Variants in PHLDB3 observed in about 807,000 individuals in gnomAD.
PHLDB3 encodes pleckstrin homology like domain family B member 3.
PHLDB3 carries 86 observed loss-of-function variants against 85.7 expected under a neutral mutation model. The observed-to-expected ratio is 1.00, with a 90% CI of 0.84 to 1.20. The LOEUF (loss-of-function observed/expected upper bound fraction) is 1.20, where lower values mean the gene tolerates loss of function less well. PHLDB3 is among the 50% of genes most tolerant of loss of function. The pLI, the probability that PHLDB3 is intolerant of heterozygous loss-of-function variation, is 0.00. For missense variants in PHLDB3, 995 were observed against 873.0 expected, an observed-to-expected ratio of 1.14 and a Z score of -1.76; for synonymous variants, 376 against 349.8, an observed-to-expected ratio of 1.07 and a Z score of -0.83.
Position 43,475,440 on chromosome 19 carries a change from C to G in PHLDB3, c.1893G>C (p.Val631=). The G allele has an allele frequency of 1.2e-6, 2 of 1,613,884 alleles. No homozygotes were observed. The highest frequency in any genetic ancestry group is 1.7e-6 in the Non-Finnish European group (2 of 1,179,842). ...GGGCGTGGTTTTCGTCAGCGGCGGT[C>G]ACGATGACGTCCATCCAAATGCGCA... ...EAMRIWMDVI[V]TAADENHAP The change falls in exon 16 of 16, where the codon GTG becomes GTC. Residue 631 remains valine (V), a synonymous_variant. Coordinates refer to ENST00000292140, the MANE Select transcript of PHLDB3 (RefSeq NM_198850.4).
chr19:43,501,188 T>C (rs1317130513), intron 4 of PHLDB3, among the ~76,000 whole-genome samples: 2 of 140,162 alleles, frequency 1.4e-5, no homozygotes, highest in South Asian at 2.4e-4. Flanking sequence ...TTTTTTTTTT[T>C]TTTTTTTTTG....
chr19:43,497,127 C>A lies in PHLDB3; in HGVS notation c.816G>T (p.Ala272=). 6.5e-7 allele frequency: 1 copy of A among 1,533,126 alleles called. No individual in the cohort carries two copies. Among genetic ancestry groups the A allele is most frequent in the Non-Finnish European group, 8.7e-7 (1 of 1,145,296 alleles). 95.0% of individuals were successfully genotyped at this position (1,533,126 alleles called of 1,614,324 possible). The change falls in exon 6 of 16, where the codon GCG becomes GCT. Residue 272 remains alanine, a synonymous_variant. Transcript: ENST00000292140. ...PKVQELQASM[A]QHRRGALQHR... is the part of the protein sequence containing the mutation. ...GTCAGGCATGACTCACTCTGTGCTG[C>A]GCCATGCTGGCCTGGAGTTCCTGGA...
intron 9 of PHLDB3, among the ~76,000 whole-genome samples, chr19:43,493,713 C>T (rs1428908617): frequency 6.6e-6 from 1 of 152,028 alleles, no homozygotes; most frequent in Non-Finnish European, 1.5e-5. Flanking sequence ...ACCCCAATAC[C>T]CTGACTTATT....
intron 14 of PHLDB3, 27 bp from the exon 15 acceptor site, chr19:43,478,159 G>C (rs1171734513): frequency 6.4e-7 from 1 of 1,564,514 alleles, no homozygotes; most frequent in South Asian, 1.1e-5. Context: ...GAGAAAAAGA[G>C]AGCCAGTGAG....
Position 43,478,151 on chromosome 19 carries a change from GA to G in PHLDB3, c.1703-20del. The G allele has an allele frequency of 1.3e-6, 2 of 1,584,336 alleles. No homozygotes were observed. The highest frequency in any genetic ancestry group is 1.1e-5 in the South Asian group (1 of 90,304). Reference sequence around the variant, plus strand: ...TCCTTGTCTGGTAGGGGAGGTAAGAGAAAAAGAGAGCCAGTGAGAAAGGTGT... The same window carrying G: ...TCCTTGTCTGGTAGGGGAGGTAAGAGAAAAGAGAGCCAGTGAGAAAGGTGT... On this transcript the variant is annotated intron_variant, in intron 14 of 15. Transcript: ENST00000292140.
intron 2 of PHLDB3, among the ~76,000 whole-genome samples, chr19:43,503,266 T>C (rs1971660594): frequency 6.6e-6 from 1 of 150,744 alleles, no homozygotes; most frequent in African/African-American, 2.5e-5. Context: ...TAGTCTCTCC[T>C]GTCTGTCTAT....
At chr19:43,495,215 C>A (rs752178294) in intron 8 of PHLDB3, 41 bp downstream of exon 8, 2 of 1,582,512 alleles carry the variant, frequency 1.3e-6, no homozygotes, top group Non-Finnish European at 1.7e-6. Context: ...ACTTTCAAGT[C>A]TGAGGGAGGA....
chr19:43,478,839 G>A lies in PHLDB3; in HGVS notation c.1702+538C>T, dbSNP rs965984875. ...CTGAGGCAGGAGAATCGCTTGAGCC[G>A]GGGAGGTGGAGGTTGCAGTGGGCTG... On this transcript the variant is annotated intron_variant, in intron 14 of 15. Coordinates refer to ENST00000292140, the MANE Select transcript of PHLDB3 (RefSeq NM_198850.4). Among the ~76,000 whole-genome samples, 4 of 152,104 alleles carry A rather than the reference G, an allele frequency of 2.6e-5. 1 individual carries two copies. Among genetic ancestry groups the A allele is most frequent in the South Asian group, 4.1e-4 (2 of 4,834 alleles).
At chr19:43,496,947 A>T in intron 6 of PHLDB3, 171 bp downstream of exon 6, 1 of 993,094 alleles carries the variant, frequency 1.0e-6, no homozygotes, top group Non-Finnish European at 1.3e-6. Flanking sequence ...CTCATGAAAT[A>T]TTCAGGACCA....
At position 43,475,300 on chromosome 19, in the gene PHLDB3, T is replaced by G; in HGVS notation, c.*110A>C. On this transcript the variant is annotated 3_prime_UTR_variant, in exon 16 of 16. Transcript: ENST00000292140. ...GCGCCTGCGGAATTCCCGGGAGAGTTCCAAAGCGGTGCGTCCAAGTTTTCC... is the reference window on the plus strand; with the variant it reads ...GCGCCTGCGGAATTCCCGGGAGAGTGCCAAAGCGGTGCGTCCAAGTTTTCC... 1 of 1,427,032 alleles carries G rather than the reference T, an allele frequency of 7.0e-7. No homozygotes were observed. The allele number at this position is 1,427,032 out of a possible 1,614,324, so 88.4% of individuals were successfully genotyped here.
intron 4 of PHLDB3, among the ~76,000 whole-genome samples, chr19:43,501,375 G>A (rs1343901382): frequency 1.3e-5 from 2 of 151,966 alleles, no homozygotes; most frequent in East Asian, 3.9e-4. Flanking sequence ...AGCAGAGACG[G>A]GGTTTCGCCA....
intron 4 of PHLDB3, among the ~76,000 whole-genome samples, chr19:43,499,764 G>T (rs566636610): frequency 3.9e-5 from 6 of 151,984 alleles, no homozygotes; most frequent in Non-Finnish European, 8.8e-5. Flanking sequence ...ATGGAGTTCT[G>T]CTCCCGTTGC....
intron 9 of PHLDB3, among the ~76,000 whole-genome samples, chr19:43,493,962 T>C (rs1355700400): frequency 2.6e-5 from 4 of 152,164 alleles, no homozygotes; most frequent in Admixed American, 1.3e-4. Flanking sequence ...ACTGCTCCAA[T>C]GTGCATTTCC....
intron 9 of PHLDB3, among the ~76,000 whole-genome samples, chr19:43,487,585 A>AAAAAAAAAAAAAAAAC (rs1568477408): frequency 7.1e-6 from 1 of 141,708 alleles, no homozygotes; most frequent in African/African-American, 2.7e-5. Context: ...AAAAAAAAAA[A>AAAAAAAAAAAAAAAAC]AAAAAAACAC....
chr19:43,494,649 C>T, intron 9 of PHLDB3, 53 bp downstream of exon 9: 9 of 1,418,540 alleles, frequency 6.3e-6, no homozygotes, highest in African/African-American at 2.8e-5. Context: ...TAGCCCCTCC[C>T]TCCTCACTGA....
At chr19:43,497,407 A>G in intron 5 of PHLDB3, 128 bp from the exon 6 acceptor site, 1 of 817,382 alleles carries the variant, frequency 1.2e-6, no homozygotes, top group Non-Finnish European at 1.8e-6. Flanking sequence ...GGTCCTGGGG[A>G]GGAGGGGGCT....
In PHLDB3 at chr19:43,486,257, G is replaced by A; in HGVS notation, c.1485+9C>T. The A allele has an allele frequency of 6.7e-7, 1 of 1,495,350 alleles. No individual in the cohort carries two copies. The allele number at this position is 1,495,350 out of a possible 1,614,324, so 92.6% of individuals were successfully genotyped here. A position where few individuals can be genotyped will look rare whatever the true frequency, so the allele number is the denominator to read the frequency against. On this transcript the variant is annotated intron_variant, in intron 13 of 15. Coordinates refer to ENST00000292140, the MANE Select transcript of PHLDB3 (RefSeq NM_198850.4). ...GAGAGGTGGGCGTGAGGGCGGGGGT[G>A]GGACTGACCGTGATGGCAGGAACAG...
intron 8 of PHLDB3, among the ~76,000 whole-genome samples, 198 bp downstream of exon 8, chr19:43,495,058 T>C (rs939357387): frequency 2.7e-5 from 4 of 147,396 alleles, no homozygotes; most frequent in Non-Finnish European, 6.0e-5. Flanking sequence ...GGCTGGGGCC[T>C]GGACTCCTGG....
At chr19:43,504,199 T>G in intron 1 of PHLDB3, 67 bp from the exon 2 acceptor site, 1 of 1,392,574 alleles carries the variant, frequency 7.2e-7, no homozygotes, top group Non-Finnish European at 9.5e-7. Flanking sequence ...CGCTCGCGTC[T>G]GCTCCGGGGC....
Sources: gnomAD v4.1 joint callset for allele counts (sites outside exome capture counted in the v4.1 genomes callset) on GRCh38, gnomAD v4.1.1 for gene constraint, MANE v1.5 for transcripts, NCBI Gene and HGNC (gene_info 2026-07-23, HGNC 2026-07-21) for gene names.